Variants in PTPRN2 observed in about 807,000 individuals in gnomAD.
The protein encoded by PTPRN2 is protein tyrosine phosphatase receptor type N2.
In PTPRN2, 74 loss-of-function variants were observed where a neutral mutation model predicts 118.8. The ratio of observed to expected loss-of-function variants is 0.62; its 90% CI spans 0.52 to 0.76. PTPRN2 has a LOEUF of 0.76. Ranked by LOEUF, PTPRN2 falls within the 30% of genes least tolerant of loss-of-function variation. The pLI is 0.00. For missense variants in PTPRN2, 1,481 were observed against 1,394.4 expected (o/e 1.06, Z -0.99); for synonymous variants, 641 against 608.0 (o/e 1.05, Z -0.80).
At chr7:158,402,576 G>A (rs1243094197) in intron 2 of PTPRN2, among the ~76,000 whole-genome samples, 1 of 152,166 alleles carries the variant, frequency 6.6e-6, no homozygotes, top group East Asian at 1.9e-4. Context: ...TCCATATTTG[G>A]CAGATAAATT....
In PTPRN2 at chr7:158,574,439, G is replaced by A. The variant is rs1019507838; in HGVS notation, c.112+13119C>T. Among the ~76,000 whole-genome samples, 2 of 152,086 alleles carry A rather than the reference G, an allele frequency of 1.3e-5. No homozygotes were observed. Among genetic ancestry groups the A allele is most frequent in the Admixed American group, 6.5e-5 (1 of 15,270 alleles). ...AACTTGTAAATAAGAATATGTATCC[G>A]GTAAATAAATGCACATTTCTGTTGG... On this transcript the variant is annotated intron_variant, in intron 1 of 22. Coordinates refer to ENST00000389418, the MANE Select transcript of PTPRN2 (RefSeq NM_002847.5). The surrounding 1 kb of genome is among the most constrained non-coding windows in gnomAD (Gnocchi z 4.6).
At chr7:158,071,045 G>T (rs1444937845) in intron 11 of PTPRN2, among the ~76,000 whole-genome samples, 1 of 100,320 alleles carries the variant, frequency 1.0e-5, no homozygotes. Flanking sequence ...TAGTATGGAG[G>T]TGCTCATGGT....
intron 4 of PTPRN2, among the ~76,000 whole-genome samples, chr7:158,201,059 T>G (rs946353494): frequency 6.7e-6 from 1 of 150,154 alleles, no homozygotes; most frequent in Non-Finnish European, 1.5e-5. Flanking sequence ...AAAAAGTGGT[T>G]TTTTTTTTTT....
At chr7:158,370,175 T>C (rs1052211062) in intron 2 of PTPRN2, among the ~76,000 whole-genome samples, 5 of 151,850 alleles carry the variant, frequency 3.3e-5, no homozygotes, top group African/African-American at 7.3e-5. Flanking sequence ...CAGTGGCTCA[T>C]GCCTGTAATC....
chr7:158,519,805 G>A (rs6976993), intron 1 of PTPRN2, among the ~76,000 whole-genome samples: 2,457 of 152,172 alleles, frequency 0.016, 76 homozygotes, highest in African/African-American at 0.056. Flanking sequence ...GGGAAGAAGG[G>A]TTACCCAATG....
intron 11 of PTPRN2, among the ~76,000 whole-genome samples, chr7:157,941,041 G>A (rs1264756168): frequency 4.1e-5 from 3 of 72,480 alleles, no homozygotes; most frequent in Non-Finnish European, 4.8e-5. Flanking sequence ...CCACGACACT[G>A]CAAATCTAAC....
At chr7:158,552,389 G>A (rs1423034516) in intron 1 of PTPRN2, among the ~76,000 whole-genome samples, 1 of 152,256 alleles carries the variant, frequency 6.6e-6, no homozygotes, top group Non-Finnish European at 1.5e-5. Flanking sequence ...CAGTGAGAAA[G>A]GTGACCATAC....
chr7:157,824,069 G>A (rs1049186847), intron 12 of PTPRN2, among the ~76,000 whole-genome samples: 3 of 152,230 alleles, frequency 2.0e-5, no homozygotes, highest in South Asian at 4.2e-4. Context: ...AGTCACCTTC[G>A]CTCTGCCATC....
At chr7:157,567,636 G>A (rs1799553670) in intron 21 of PTPRN2, among the ~76,000 whole-genome samples, 1 of 152,100 alleles carries the variant, frequency 6.6e-6, no homozygotes, top group African/African-American at 2.4e-5. Context: ...ATAATCAATG[G>A]CTGCTCCTGT....
chr7:157,793,989 C>T (rs944687534), intron 12 of PTPRN2, among the ~76,000 whole-genome samples: 1 of 152,190 alleles, frequency 6.6e-6, no homozygotes, highest in African/African-American at 2.4e-5. Flanking sequence ...CCCACAGCCC[C>T]TTCCCGGGTC....
At chr7:158,023,748 G>A (rs1463542047) in intron 11 of PTPRN2, among the ~76,000 whole-genome samples, 1 of 152,120 alleles carries the variant, frequency 6.6e-6, no homozygotes, top group Non-Finnish European at 1.5e-5. Context: ...CCTTACCCTT[G>A]CCCTCATCAA....
chr7:157,946,206 C>G (rs1295534213), intron 11 of PTPRN2, among the ~76,000 whole-genome samples: 2 of 152,030 alleles, frequency 1.3e-5, no homozygotes, highest in African/African-American at 4.8e-5. Flanking sequence ...GTGAAACAAC[C>G]AAAGCAACTG....
intron 2 of PTPRN2, among the ~76,000 whole-genome samples, chr7:158,327,170 C>T (rs1055585418): frequency 1.4e-5 from 2 of 147,722 alleles, no homozygotes; most frequent in African/African-American, 5.3e-5. Context: ...TTCTCACATG[C>T]ACACACACAT....
At chr7:157,614,733 A>AG (rs976313706) in intron 15 of PTPRN2, among the ~76,000 whole-genome samples, 9 of 152,004 alleles carry the variant, frequency 5.9e-5, no homozygotes, top group Admixed American at 2.6e-4. Flanking sequence ...TGAGGTCCTG[A>AG]GGGGGGGCCT....
Position 158,544,550 on chromosome 7 carries a change from A to G in PTPRN2, c.112+43008T>C, listed in dbSNP as rs1826172684. Among the ~76,000 whole-genome samples the G allele has an allele frequency of 2.0e-5, 3 of 152,124 alleles. No homozygotes were observed. Among genetic ancestry groups the G allele is most frequent in the African/African-American group, 7.2e-5 (3 of 41,434 alleles). ...CTACTTGGGATGCTGAAGCAGGAGA[A>G]TCACTTGAACCTGGGACGTGGAGGT... is the stretch of plus-strand genomic sequence containing the variant. On this transcript the variant is annotated intron_variant, in intron 1 of 22. Transcript: ENST00000389418. The surrounding 1 kb of genome is among the most constrained non-coding windows in gnomAD (Gnocchi z 4.2).
chr7:157,929,172 C>T lies in PTPRN2; in HGVS notation c.1724-30435G>A, dbSNP rs1391475233. 1.3e-5 allele frequency among the ~76,000 whole-genome samples: 2 copies of T among 152,188 alleles called. No individual in the cohort carries two copies. The highest frequency in any genetic ancestry group is 2.4e-5 in the African/African-American group (1 of 41,432). The stretch of plus-strand genomic sequence containing the variant: ...GCATATGTGTCAGCCAGCTGGTCAA[C>T]ACATGCTGCGTTAGCAAATGCTGAA... On this transcript the variant is annotated intron_variant, in intron 11 of 22. Coordinates refer to ENST00000389418, the MANE Select transcript of PTPRN2 (RefSeq NM_002847.5). The surrounding 1 kb of genome is among the most constrained non-coding windows in gnomAD (Gnocchi z 4.4).
At chr7:157,965,281 A>G (rs1329926612) in intron 11 of PTPRN2, among the ~76,000 whole-genome samples, 2 of 152,188 alleles carry the variant, frequency 1.3e-5, no homozygotes, top group South Asian at 2.1e-4. Context: ...TGAAGTCAAG[A>G]TGCCTCTTAT....
intron 11 of PTPRN2, among the ~76,000 whole-genome samples, chr7:157,985,024 G>A (rs994799941): frequency 1.4e-4 from 22 of 152,308 alleles, no homozygotes; most frequent in African/African-American, 5.1e-4. Context: ...CCTGCAGGTG[G>A]TGGTCTCTAG....
intron 1 of PTPRN2, among the ~76,000 whole-genome samples, chr7:158,508,883 G>A: frequency 7.1e-6 from 1 of 140,150 alleles, no homozygotes; most frequent in Non-Finnish European, 1.5e-5. Context: ...GCTCCTGTGG[G>A]TGTCGGGGCA....
Sources: gnomAD v4.1 joint callset for allele counts (sites outside exome capture counted in the v4.1 genomes callset) on GRCh38, gnomAD v4.1.1 for gene constraint, Gnocchi (gnomAD v3.1) non-coding constraint, MANE v1.5 for transcripts, NCBI Gene and HGNC (gene_info 2026-07-23, HGNC 2026-07-21) for gene names.